Variants in PCDHGA11 observed in about 807,000 individuals in gnomAD.
PCDHGA11 encodes the protein protocadherin gamma subfamily A, 11.
In PCDHGA11, 39 loss-of-function variants were observed where a neutral mutation model predicts 60.4. That is an observed-to-expected ratio of 0.65 (90% CI 0.50 to 0.84). The LOEUF (loss-of-function observed/expected upper bound fraction) is 0.84. Among genes scored for constraint, PCDHGA11 ranks in the 40% least tolerant of loss-of-function variants. PCDHGA11 has a pLI of 0.00. For synonymous variants in PCDHGA11, 533 were observed against 510.3 expected, an observed-to-expected ratio of 1.04 and a Z score of -0.60; for missense variants, 1,165 against 1,197.7, an observed-to-expected ratio of 0.97 and a Z score of 0.40.
intron 1 of PCDHGA11, chr5:141,427,811 C>T (rs1335555425): frequency 6.6e-7 from 1 of 1,523,180 alleles, no homozygotes; most frequent in Admixed American, 1.7e-5. Flanking sequence ...GCGCACAGAG[C>T]GGGGTGGTGG....
intron 2 of PCDHGA11, among the ~76,000 whole-genome samples, chr5:141,504,689 G>A (rs1395389800): frequency 6.6e-6 from 1 of 151,502 alleles, no homozygotes; most frequent in South Asian, 2.1e-4. Context: ...TAAAATAGGA[G>A]GGGCAGGTTC....
At chr5:141,453,492 G>A (rs1046043468) in intron 1 of PCDHGA11, among the ~76,000 whole-genome samples, 7 of 152,000 alleles carry the variant, frequency 4.6e-5, no homozygotes, top group African/African-American at 7.3e-5. Context: ...AAAAAAAGGT[G>A]TACTCAGAAA....
rs1410460145 is a variant in PCDHGA11 at position 141,490,798 on chromosome 5, C to T, written c.2434-4009C>T. On this transcript the variant is annotated intron_variant, in intron 1 of 3. Coordinates refer to ENST00000398587, the MANE Select transcript of PCDHGA11 (RefSeq NM_018914.3). The surrounding 1 kb of genome is among the most constrained non-coding windows in gnomAD (Gnocchi z 5.4). The stretch of plus-strand genomic sequence containing the variant: ...AGAGGATGGACGGATCTTTGCCCAG[C>T]GTACCTTTGACTATGAATTGCTGCA... 9.3e-6 allele frequency: 15 copies of T among 1,613,808 alleles called. No individual in the cohort carries two copies. Among genetic ancestry groups the T allele is most frequent in the Admixed American group, 6.7e-5 (4 of 60,002 alleles).
At chr5:141,505,650 T>C (rs1595974645) in intron 3 of PCDHGA11, among the ~76,000 whole-genome samples, 169 bp downstream of exon 3, 1 of 152,094 alleles carries the variant, frequency 6.6e-6, no homozygotes, top group East Asian at 1.9e-4. Flanking sequence ...GAATTGTGGC[T>C]AAGGAACAGC....
intron 1 of PCDHGA11, chr5:141,478,104 CTG>C: frequency 6.2e-7 from 1 of 1,614,118 alleles, no homozygotes; most frequent in Middle Eastern, 1.6e-4. Context: ...GCTACCCTCA[CTG>C]TGTCAGTAAC....
At chr5:141,475,132 T>C (rs563015610) in intron 1 of PCDHGA11, among the ~76,000 whole-genome samples, 14 of 152,322 alleles carry the variant, frequency 9.2e-5, no homozygotes, top group African/African-American at 2.6e-4. Context: ...TTTTTTCTTT[T>C]TGAAATCTTC....
chr5:141,434,253 G>C (rs979768901), intron 1 of PCDHGA11, among the ~76,000 whole-genome samples: 9 of 152,198 alleles, frequency 5.9e-5, no homozygotes, highest in Non-Finnish European at 1.3e-4. Flanking sequence ...CTTGGGCATT[G>C]TGGGGGAGGT....
chr5:141,421,967 T>C lies in PCDHGA11; in HGVS notation c.740T>C (p.Val247Ala), dbSNP rs760789458. ...CACATCCCAATGTTTACACAGTCCG[T>C]ATATCGCGTGAGTGTTCCAGAAAAC... ...NDHIPMFTQSVYRVSVPENIS... is the reference protein window; with the variant it reads ...NDHIPMFTQSAYRVSVPENIS... The change falls in exon 1 of 4, where the codon GTA (valine) becomes GCA (alanine). Residue 247 changes from valine to alanine, a missense_variant. By Grantham distance (64) the Val-to-Ala change is moderately conservative. Transcript: ENST00000398587. The C allele has an allele frequency of 1.2e-6, 2 of 1,611,174 alleles. No individual in the cohort carries two copies. Among genetic ancestry groups the C allele is most frequent in the Admixed American group, 3.4e-5 (2 of 59,626 alleles).
Position 141,485,875 on chromosome 5 carries a change from C to T in PCDHGA11, c.2434-8932C>T, listed in dbSNP as rs1254918181. The T allele has an allele frequency of 1.9e-6, 3 of 1,614,150 alleles. No homozygotes were observed. The highest frequency in any genetic ancestry group is 2.2e-5 in the East Asian group (1 of 44,862). On this transcript the variant is annotated intron_variant, in intron 1 of 3. Transcript: ENST00000398587. This position sits in a 1 kb window ranked among gnomAD's most constrained non-coding sequence, Gnocchi z 5.7. ...CAGAGCTCCGGGTATCCGTGCTGGACGTAAACGACAACGCCCCAGCCTTCC... is the reference window on the plus strand; with the variant it reads ...CAGAGCTCCGGGTATCCGTGCTGGATGTAAACGACAACGCCCCAGCCTTCC...
At chr5:141,478,090 C>T in intron 1 of PCDHGA11, 2 of 1,614,108 alleles carry the variant, frequency 1.2e-6, no homozygotes, top group Non-Finnish European at 1.7e-6. Flanking sequence ...CGCTCTCCAC[C>T]ACTGCTACCC....
intron 1 of PCDHGA11, chr5:141,427,571 G>A: frequency 1.5e-6 from 1 of 662,942 alleles, no homozygotes. Flanking sequence ...GCAAGCCTCC[G>A]CTCTCATCCA....
Position 141,490,924 on chromosome 5 carries a change from C to G in PCDHGA11, c.2434-3883C>G, listed in dbSNP as rs1469202824. The G allele has an allele frequency of 1.9e-6, 3 of 1,613,562 alleles. No individual in the cohort carries two copies. The highest frequency in any genetic ancestry group is 2.5e-6 in the Non-Finnish European group (3 of 1,179,702). ...TGTCCTAGACGAGAATGATAATGCC[C>G]CAGCTGTGCTGCACCCACGGCCAGA... On this transcript the variant is annotated intron_variant, in intron 1 of 3. Transcript: ENST00000398587. The surrounding 1 kb of genome is among the most constrained non-coding windows in gnomAD (Gnocchi z 5.4).
Position 141,489,087 on chromosome 5 carries a change from T to TCAAA in PCDHGA11, c.2434-5720_2434-5719insCAAA. 4.6e-6 allele frequency: 1 copy of TCAAA among 216,106 alleles called. No individual in the cohort carries two copies. The highest frequency in any genetic ancestry group is 8.4e-6 in the Non-Finnish European group (1 of 118,736). The allele number at this position is 216,106 out of a possible 1,614,324, so 13.4% of individuals were successfully genotyped here. On this transcript the variant is annotated intron_variant, in intron 1 of 3. Coordinates refer to ENST00000398587, the MANE Select transcript of PCDHGA11 (RefSeq NM_018914.3). This position sits in a 1 kb window ranked among gnomAD's most constrained non-coding sequence, Gnocchi z 4.5. The stretch of plus-strand genomic sequence containing the variant: ...CCCCCTGCCCACCCCCGCCACTCGG[T>TCAAA]GACTAAGAACTGCTGCAAGCAGGCA...
rs1275819200 is a variant in PCDHGA11, at chr5:141,491,620, A to G, written c.2434-3187A>G. 5 of 1,613,788 alleles carry G rather than the reference A, an allele frequency of 3.1e-6. No individual in the cohort carries two copies. Among genetic ancestry groups the G allele is most frequent in the Non-Finnish European group, 4.2e-6 (5 of 1,180,014 alleles). On this transcript the variant is annotated intron_variant, in intron 1 of 3. Coordinates refer to ENST00000398587, the MANE Select transcript of PCDHGA11 (RefSeq NM_018914.3). The surrounding 1 kb of genome is among the most constrained non-coding windows in gnomAD (Gnocchi z 6.9). ...TGACTTCACTTTTCTAAGACCCCTC[A>G]GCGTTCAGCAGCCCACAGCTCTGGC...
At chr5:141,435,994 G>T (rs1007093302) in intron 1 of PCDHGA11, among the ~76,000 whole-genome samples, 18 of 152,046 alleles carry the variant, frequency 1.2e-4, no homozygotes, top group Admixed American at 1.2e-3. Context: ...GTGATTTTTT[G>T]AAAGAAAGTA....
chr5:141,490,566 C>T lies in PCDHGA11; in HGVS notation c.2434-4241C>T. 3 of 1,614,132 alleles carry T rather than the reference C, an allele frequency of 1.9e-6. No homozygotes were observed. Among genetic ancestry groups the T allele is most frequent in the Non-Finnish European group, 2.5e-6 (3 of 1,180,028 alleles). On this transcript the variant is annotated intron_variant, in intron 1 of 3. Transcript: ENST00000398587. This position sits in a 1 kb window ranked among gnomAD's most constrained non-coding sequence, Gnocchi z 5.4. ...TACACAAACATCTCACCATCAGGCT[C>T]AACATTTCAGATGTCAATGACAATG...
Position 141,421,056 on chromosome 5 carries a change from A to G in PCDHGA11, c.-172A>G, listed in dbSNP as rs1378326708. On this transcript the variant is annotated 5_prime_UTR_variant, in exon 1 of 4. Coordinates refer to ENST00000398587, the MANE Select transcript of PCDHGA11 (RefSeq NM_018914.3). ...TCCCTCCCTCCCCCGCCTCTACCACACAAAGCGGAATGAGATGGATACTCA... is the reference window on the plus strand; with the variant it reads ...TCCCTCCCTCCCCCGCCTCTACCACGCAAAGCGGAATGAGATGGATACTCA... 5 of 576,490 alleles carry G rather than the reference A, an allele frequency of 8.7e-6. No individual in the cohort carries two copies. In the East Asian group the frequency reaches 9.2e-5, roughly 11 times the overall value. The allele number at this position is 576,490 out of a possible 1,614,324, so 35.7% of individuals were successfully genotyped here. A position where few individuals can be genotyped will look rare whatever the true frequency, so the allele number is the denominator to read the frequency against.
intron 1 of PCDHGA11, among the ~76,000 whole-genome samples, chr5:141,484,544 A>G (rs1160398392): frequency 6.6e-6 from 1 of 152,144 alleles, no homozygotes; most frequent in Non-Finnish European, 1.5e-5. Flanking sequence ...CAGTGGTTCT[A>G]ATTAGCAGTT....
chr5:141,458,409 G>C (rs188300064), intron 1 of PCDHGA11, among the ~76,000 whole-genome samples: 1 of 152,244 alleles, frequency 6.6e-6, no homozygotes, highest in African/African-American at 2.4e-5. Context: ...GAGACGGAGC[G>C]GGGGTTCCAA....
Sources: gnomAD v4.1 joint callset for allele counts (sites outside exome capture counted in the v4.1 genomes callset) on GRCh38, gnomAD v4.1.1 for gene constraint, Gnocchi (gnomAD v3.1) non-coding constraint, MANE v1.5 for transcripts, NCBI Gene and HGNC (gene_info 2026-07-23, HGNC 2026-07-21) for gene names.